The following SLC6A3 variants were observed in gnomAD, a reference collection of about 807,000 sequenced individuals.
SLC6A3 encodes the protein sodium-dependent dopamine transporter.
In SLC6A3, 19 loss-of-function variants were observed where a neutral mutation model predicts 70.4. That is an observed-to-expected ratio of 0.27 (90% CI 0.19 to 0.40). The LOEUF (loss-of-function observed/expected upper bound fraction) is 0.40. Among genes scored for constraint, SLC6A3 ranks in the 10% least tolerant of loss-of-function variants. The probability of loss-of-function intolerance (pLI) is 1.00; values close to 1 mark genes in which losing one functional copy is unlikely to be tolerated. For synonymous variants in SLC6A3, 368 were observed against 356.6 expected, an observed-to-expected ratio of 1.03 and a Z score of -0.36; for missense variants, 613 against 838.5, an observed-to-expected ratio of 0.73 and a Z score of 3.32.
At position 1,406,371 on chromosome 5, in the gene SLC6A3, T is replaced by A; in HGVS notation, c.1499-83A>T. The A allele has an allele frequency of 8.4e-7, 1 of 1,195,364 alleles. No homozygotes were observed. Among genetic ancestry groups the A allele is most frequent in the Non-Finnish European group, 1.2e-6 (1 of 800,358 alleles). 74.0% of individuals were successfully genotyped at this position (1,195,364 alleles called of 1,614,324 possible). A position where few individuals can be genotyped will look rare whatever the true frequency, so the allele number is the denominator to read the frequency against. ...GACACGTGTGGGGGTCCTCGCTGAC[T>A]CCCAAGGGCCCCACCTACCGGCCCC... On this transcript the variant is annotated intron_variant, in intron 11 of 14. Coordinates refer to ENST00000270349, the MANE Select transcript of SLC6A3 (RefSeq NM_001044.5). The surrounding 1 kb of genome is among the most constrained non-coding windows in gnomAD (Gnocchi z 8.8).
At position 1,411,205 on chromosome 5, in the gene SLC6A3, A is replaced by T. The variant is rs761849759; in HGVS notation, c.1269+38T>A. ...GGCCCCCTCGGGTGGAAGGAACCCA[A>T]CTGCCGAGGACAGGGCCGGGCGGTG... On this transcript the variant is annotated intron_variant, in intron 9 of 14. Coordinates refer to ENST00000270349, the MANE Select transcript of SLC6A3 (RefSeq NM_001044.5). This position sits in a 1 kb window ranked among gnomAD's most constrained non-coding sequence, Gnocchi z 6.5. 2.8e-6 allele frequency: 4 copies of T among 1,431,578 alleles called. No homozygotes were observed. Among genetic ancestry groups the T allele is most frequent in the Non-Finnish European group, 2.9e-6 (3 of 1,039,250 alleles). 88.7% of individuals were successfully genotyped at this position (1,431,578 alleles called of 1,614,324 possible).
Position 1,400,928 on chromosome 5 carries a change from AC to A in SLC6A3, c.1825del (p.Val609CysfsTer52). On this transcript the variant is annotated frameshift_variant, in exon 14 of 15. Transcript: ENST00000270349. LOFTEE classifies it high-confidence loss of function. Reference protein sequence around the residue: ...KDRELVDRGEVRQFTLRHWLK... With the variant: ...KDRELVDRGEXRQFTLRHWLK... The stretch of plus-strand genomic sequence containing the variant: ...CCTCGACCTCACCGTGAACTGGCGC[AC>A]CTCCCCTCTGTCCACCAGCTCACGG... 1 of 1,588,230 alleles carries A rather than the reference AC, an allele frequency of 6.3e-7. No individual in the cohort carries two copies. Among genetic ancestry groups the A allele is most frequent in the Non-Finnish European group, 8.6e-7 (1 of 1,165,300 alleles).
Position 1,394,346 on chromosome 5 carries a change from G to T in SLC6A3, c.*389C>A, listed in dbSNP as rs1404671895. 2 of 385,040 alleles carry T rather than the reference G, an allele frequency of 5.2e-6. No individual in the cohort carries two copies. The highest frequency in any genetic ancestry group is 4.1e-5 in the African/African-American group (2 of 48,852). 23.9% of individuals were successfully genotyped at this position (385,040 alleles called of 1,614,324 possible). A position where few individuals can be genotyped will look rare whatever the true frequency, so the allele number is the denominator to read the frequency against. On this transcript the variant is annotated 3_prime_UTR_variant, in exon 15 of 15. Transcript: ENST00000270349. This position sits in a 1 kb window ranked among gnomAD's most constrained non-coding sequence, Gnocchi z 4.7. ...GTGAGCACGGGGATTCTCAGCAGGT[G>T]CGTCTACAAGGATCGTGATCCCCGC...
Position 1,404,628 on chromosome 5 carries a change from AC to A in SLC6A3, c.1600-1540del, listed in dbSNP as rs894898760. ...ACCCCTTACGACCAGAGGTTAGCAC[AC>A]GCCAGAGGGCAGGGGACTATGCCGC... On this transcript the variant is annotated intron_variant, in intron 12 of 14. Coordinates refer to ENST00000270349, the MANE Select transcript of SLC6A3 (RefSeq NM_001044.5). This position sits in a 1 kb window ranked among gnomAD's most constrained non-coding sequence, Gnocchi z 5.2. Among the ~76,000 whole-genome samples, 3 of 152,256 alleles carry A rather than the reference AC, an allele frequency of 2.0e-5. No homozygotes were observed. Among genetic ancestry groups the A allele is most frequent in the African/African-American group, 7.2e-5 (3 of 41,476 alleles).
chr5:1,422,039 C>A, intron 4 of SLC6A3, 25 bp from the exon 5 acceptor site: 1 of 1,605,260 alleles, frequency 6.2e-7, no homozygotes, highest in Non-Finnish European at 8.5e-7. Flanking sequence ...CAGCGGGGGA[C>A]TCTGTGGGTG....
intron 2 of SLC6A3, among the ~76,000 whole-genome samples, chr5:1,441,926 C>T (rs1014418720): frequency 1.3e-5 from 2 of 152,170 alleles, no homozygotes; most frequent in African/African-American, 2.4e-5. Flanking sequence ...CCGTCCTGTC[C>T]CCAGCTTCTG....
In SLC6A3 at chr5:1,414,445, C is replaced by CTGGAGGGTCAGGGCG. The variant is rs1442403578; in HGVS notation, c.1156+245_1156+246insCGCCCTGACCCTCCA. 7.9e-5 allele frequency among the ~76,000 whole-genome samples: 11 copies of CTGGAGGGTCAGGGCG among 138,866 alleles called. 2 individuals are homozygous for CTGGAGGGTCAGGGCG. The East Asian group carries it at 1.5e-3, about 19-fold the overall frequency. 91.1% of individuals were successfully genotyped at this position (138,866 alleles called of 152,430 possible). On this transcript the variant is annotated intron_variant, in intron 8 of 14. Transcript: ENST00000270349. ...GCGGAGAAGGCACTGGGTGGGGGGC[C>CTGGAGGGTCAGGGCG]GGGAGGGGCAGGGCGGGGAAGGCGC... is the stretch of plus-strand genomic sequence containing the variant.
At chr5:1,429,033 C>T (rs907101922) in intron 4 of SLC6A3, among the ~76,000 whole-genome samples, 1 of 152,254 alleles carries the variant, frequency 6.6e-6, no homozygotes, top group African/African-American at 2.4e-5. Flanking sequence ...CACTGTCACA[C>T]ATCACAGCCA....
chr5:1,422,907 T>A lies in SLC6A3; in HGVS notation c.654-893A>T, dbSNP rs867922505. On this transcript the variant is annotated intron_variant, in intron 4 of 14. Transcript: ENST00000270349. ...CCACCGCTGCCCACAGTGCTGCCCATGGTGCTGGGTACCCACCGCTGCCCA... is the reference window on the plus strand; with the variant it reads ...CCACCGCTGCCCACAGTGCTGCCCAAGGTGCTGGGTACCCACCGCTGCCCA... 9.4e-3 allele frequency among the ~76,000 whole-genome samples: 240 copies of A among 25,496 alleles called. 8 individuals are homozygous for A. The highest frequency in any genetic ancestry group is 0.04 in the African/African-American group (207 of 5,192). 16.7% of individuals were successfully genotyped at this position (25,496 alleles called of 152,430 possible). A position where few individuals can be genotyped will look rare whatever the true frequency, so the allele number is the denominator to read the frequency against.
Position 1,414,777 on chromosome 5 carries a change from CT to C in SLC6A3, c.1069del (p.Ser357AlafsTer33). The C allele has an allele frequency of 6.2e-7, 1 of 1,612,952 alleles. No individual in the cohort carries two copies. The highest frequency in any genetic ancestry group is 1.7e-5 in the Admixed American group (1 of 60,008). On this transcript the variant is annotated frameshift_variant, in exon 8 of 15. Transcript: ENST00000270349. LOFTEE classifies it high-confidence loss of function. ...GAAGACGACGAAGCCGGAGGAGAAG[CT>C]CGTCAGGGAGTTGATGGAGGTGGTG... ...IVTTSINSLT[S>X]FSSGFVVFSF... is the part of the protein sequence containing the mutation.
chr5:1,422,046 G>C (rs1357429407), intron 4 of SLC6A3, 32 bp from the exon 5 acceptor site: 3 of 1,602,864 alleles, frequency 1.9e-6, no homozygotes, highest in Admixed American at 1.7e-5. Context: ...GGACTCTGTG[G>C]GTGGCTGTCA....
At chr5:1,441,835 C>A (rs369514109) in intron 2 of SLC6A3, among the ~76,000 whole-genome samples, 1 of 152,166 alleles carries the variant, frequency 6.6e-6, no homozygotes, top group East Asian at 1.9e-4. Flanking sequence ...CTGCGTCCCC[C>A]CACTTTGCCC....
chr5:1,422,366 C>T (rs890327011), intron 4 of SLC6A3, among the ~76,000 whole-genome samples: 2 of 151,016 alleles, frequency 1.3e-5, no homozygotes, highest in Non-Finnish European at 2.9e-5. Context: ...GGGTGCCCAC[C>T]ACTGCCCAGT....
rs1396194440 is a variant in SLC6A3 at position 1,411,842 on chromosome 5, C to A, written c.1157-487G>T. Reference sequence around the variant, plus strand: ...TACACACTCAGACACACATACCATGCAACATACACACTCAGACACACATAC... The same window carrying A: ...TACACACTCAGACACACATACCATGAAACATACACACTCAGACACACATAC... On this transcript the variant is annotated intron_variant, in intron 8 of 14. Transcript: ENST00000270349. The surrounding 1 kb of genome is among the most constrained non-coding windows in gnomAD (Gnocchi z 6.5). Among the ~76,000 whole-genome samples the A allele has an allele frequency of 6.6e-6, 1 of 150,840 alleles. No homozygotes were observed. The highest frequency in any genetic ancestry group is 1.5e-5 in the Non-Finnish European group (1 of 67,718).
chr5:1,399,873 G>T (rs1170813342), intron 14 of SLC6A3, among the ~76,000 whole-genome samples: 1 of 152,174 alleles, frequency 6.6e-6, no homozygotes, highest in South Asian at 2.1e-4. Flanking sequence ...TCTGCCTGAC[G>T]TCACCACCCA....
At chr5:1,440,440 T>A (rs1175132483) in intron 3 of SLC6A3, among the ~76,000 whole-genome samples, 1 of 151,988 alleles carries the variant, frequency 6.6e-6, no homozygotes, top group African/African-American at 2.4e-5. Context: ...GGTGGATGGA[T>A]CAAAAGAAAA....
At chr5:1,432,817 C>T in intron 3 of SLC6A3, 119 bp from the exon 4 acceptor site, 1 of 743,058 alleles carries the variant, frequency 1.3e-6, no homozygotes, top group Non-Finnish European at 2.4e-6. Context: ...AACTCCTGGA[C>T]AGCCCTGATG....
At chr5:1,443,855 T>G (rs544913719) in intron 1 of SLC6A3, among the ~76,000 whole-genome samples, 58 of 151,878 alleles carry the variant, frequency 3.8e-4, no homozygotes, top group East Asian at 1.7e-3. Context: ...TGTGTGTTTT[T>G]TTGTTGTTGT....
intron 3 of SLC6A3, among the ~76,000 whole-genome samples, chr5:1,435,640 C>T (rs1029731658): frequency 1.3e-5 from 2 of 152,254 alleles, no homozygotes; most frequent in African/African-American, 4.8e-5. Context: ...GCAGCCCCCA[C>T]ACCAGAGTCC....
Sources: allele counts gnomAD v4.1 joint callset (sites outside exome capture counted in the v4.1 genomes callset), GRCh38; gene constraint gnomAD v4.1.1; non-coding constraint Gnocchi (gnomAD v3.1); transcripts MANE v1.5; gene names NCBI Gene and HGNC (gene_info 2026-07-23, HGNC 2026-07-21).